C8B: variants seen among roughly 807,000 people sequenced by gnomAD.
C8B encodes the protein complement component C8 beta chain.
C8B carries 67 observed loss-of-function variants against 64.6 expected under a neutral mutation model. The ratio of observed to expected loss-of-function variants is 1.04; its 90% CI spans 0.85 to 1.27. The LOEUF is 1.27. Ranked by LOEUF, C8B falls within the 50% of genes most tolerant of loss-of-function variation. The probability of loss-of-function intolerance (pLI) is 0.00; values close to 1 mark genes in which losing one functional copy is unlikely to be tolerated. For missense variants in C8B, 790 were observed against 725.2 expected (o/e 1.09, Z -1.03); for synonymous variants, 284 against 257.7 (o/e 1.10, Z -0.98).
At chr1:56,937,869 TA>T (rs1570376388) in intron 9 of C8B, among the ~76,000 whole-genome samples, 2 of 152,220 alleles carry the variant, frequency 1.3e-5, no homozygotes, top group East Asian at 3.8e-4. Context: ...ACCATTTCAC[TA>T]GGTCACAAGT....
intron 9 of C8B, among the ~76,000 whole-genome samples, chr1:56,938,303 A>T (rs1644802256): frequency 6.6e-6 from 1 of 152,180 alleles, no homozygotes; most frequent in Non-Finnish European, 1.5e-5. Flanking sequence ...ATTTTCTGCA[A>T]TGTCAATTCT....
In C8B at chr1:56,931,830, C is replaced by A; in HGVS notation, c.1601G>T (p.Cys534Phe). The A allele has an allele frequency of 6.2e-7, 1 of 1,611,836 alleles. No homozygotes were observed. The highest frequency in any genetic ancestry group is 8.5e-7 in the Non-Finnish European group (1 of 1,178,670). Residue 534 changes from cysteine (C) to phenylalanine (F), a missense_variant, in exon 11 of 12, where the codon TGT becomes TTT. Coordinates refer to ENST00000371237, the MANE Select transcript of C8B (RefSeq NM_000066.4). ...CTTACTCTTCCGATAGGAGACCTCA[C>A]AGGCTAGGCCTTGGGATCCAACAGG... ...ICPVGSQGLA[C>F]EVSYRKNTPI... is the part of the protein sequence containing the mutation.
At chr1:56,958,262 A>G (rs898869650) in intron 2 of C8B, among the ~76,000 whole-genome samples, 2 of 152,192 alleles carry the variant, frequency 1.3e-5, no homozygotes, top group Admixed American at 6.5e-5. Flanking sequence ...TGCAGTCAAG[A>G]TTTTAGTAAA....
rs924523629 is a variant in C8B, at chr1:56,933,449, C to T, written c.1438G>A (p.Ala480Thr). The T allele has an allele frequency of 2.5e-6, 4 of 1,613,892 alleles. No homozygotes were observed. The highest frequency in any genetic ancestry group is 4.5e-5 in the East Asian group (2 of 44,858). The change falls in exon 10 of 12, where the codon GCC becomes ACC. Residue 480 changes from alanine (A) to threonine (T), a missense_variant. By Grantham distance (58) the Ala-to-Thr change is moderately conservative (BLOSUM62 0). Transcript: ENST00000371237. ...LYELVTATDFAYSSTVRQNMK... is the reference protein window; with the variant it reads ...LYELVTATDFTYSSTVRQNMK... Reference sequence around the variant, plus strand: ...TTCTGCCTCACTGTGCTGGAATAGGCAAAATCTGTGGCTGTCACTAGTTCA... The same window carrying T: ...TTCTGCCTCACTGTGCTGGAATAGGTAAAATCTGTGGCTGTCACTAGTTCA...
rs1491187546 is a variant in C8B at position 56,940,014 on chromosome 1, ACG to A, written c.1398+833_1398+834del. ...TGATGTCTTGTCCTGTAAGATAGTT[ACG>A]TGTGTGTGTGTGTGTGTATCTTACT... On this transcript the variant is annotated intron_variant, in intron 9 of 11. Transcript: ENST00000371237. Among the ~76,000 whole-genome samples the A allele has an allele frequency of 2.7e-4, 12 of 44,376 alleles. No individual in the cohort carries two copies. The South Asian group carries it at 0.023, about 85-fold the overall frequency. 29.1% of individuals were successfully genotyped at this position (44,376 alleles called of 152,430 possible).
rs187897738 is a variant in C8B, at chr1:56,956,111, T to C, written c.391+658A>G. On this transcript the variant is annotated intron_variant, in intron 3 of 11. Coordinates refer to ENST00000371237, the MANE Select transcript of C8B (RefSeq NM_000066.4). ...GGTATATCATGGATTAAGGATCATC[T>C]TGGACTTAGTGATGCAGAAATGTAA... 2.3e-3 allele frequency among the ~76,000 whole-genome samples: 344 copies of C among 152,276 alleles called. 3 individuals carry two copies. The highest frequency in any genetic ancestry group is 8.1e-3 in the African/African-American group (335 of 41,556).
chr1:56,946,121 A>G, intron 6 of C8B, 60 bp from the exon 7 acceptor site: 1 of 1,599,124 alleles, frequency 6.3e-7, no homozygotes. Context: ...TGGAACGAGA[A>G]GATGAACTTT....
At chr1:56,933,144 C>T (rs1644726526) in intron 10 of C8B, among the ~76,000 whole-genome samples, 191 bp downstream of exon 10, 1 of 152,174 alleles carries the variant, frequency 6.6e-6, no homozygotes, top group Non-Finnish European at 1.5e-5. Flanking sequence ...CTGCTACTGT[C>T]TTCAGCTTAA....
intron 5 of C8B, among the ~76,000 whole-genome samples, chr1:56,951,097 A>C (rs1645014478): frequency 6.6e-6 from 1 of 152,170 alleles, no homozygotes; most frequent in Admixed American, 6.5e-5. Flanking sequence ...ATACATTTTA[A>C]AGACAGGATC....
At chr1:56,949,407 C>A (rs1158152291) in intron 6 of C8B, 148 bp downstream of exon 6, 2 of 739,474 alleles carry the variant, frequency 2.7e-6, no homozygotes, top group South Asian at 1.6e-5. Flanking sequence ...ATATGTGGCA[C>A]CTTGATCTTG....
intron 6 of C8B, 94 bp downstream of exon 6, chr1:56,949,461 C>A: frequency 8.4e-7 from 1 of 1,194,552 alleles, no homozygotes; most frequent in South Asian, 1.3e-5. Context: ...AATGTCTTTT[C>A]TTTATAAATC....
intron 7 of C8B, 72 bp downstream of exon 7, chr1:56,945,749 A>G (rs1199639377): frequency 2.5e-6 from 4 of 1,594,834 alleles, no homozygotes; most frequent in Non-Finnish European, 3.4e-6. Context: ...GAAGGTAGAA[A>G]GAAAACTACA....
chr1:56,959,946 G>A (rs1422011581), intron 2 of C8B, 74 bp downstream of exon 2: 3 of 1,542,198 alleles, frequency 1.9e-6, no homozygotes, highest in African/African-American at 1.4e-5. Context: ...GGCACTGTTA[G>A]CAATGGCTCA....
chr1:56,959,627 A>T lies in C8B; in HGVS notation c.249+393T>A, dbSNP rs780543550. 6.0e-5 allele frequency: 92 copies of T among 1,535,198 alleles called. 2 individuals are homozygous for T. The South Asian group carries it at 9.8e-4, about 16-fold the overall frequency. On this transcript the variant is annotated intron_variant, in intron 2 of 11. Coordinates refer to ENST00000371237, the MANE Select transcript of C8B (RefSeq NM_000066.4). ...ATGTAGGCTAGATTCGGTCACAGGG[A>T]TCCTCGAAAACCATGATCCTGGACT...
chr1:56,952,141 A>G lies in C8B; in HGVS notation c.573T>C (p.Leu191=), dbSNP rs745980920. The change falls in exon 5 of 12, where the codon CTT becomes CTC. Residue 191 remains leucine, a synonymous_variant. Transcript: ENST00000371237. ...ATCCACCTGCATAATACCTGTGATC[A>G]AGAACTGGGCCCTCAAAACTGTTTG... ...LFTNSFEGPV[L]DHRYYAGGCS... is the part of the protein sequence containing the mutation. 6.2e-7 allele frequency: 1 copy of G among 1,614,212 alleles called. No individual in the cohort carries two copies. The highest frequency in any genetic ancestry group is 8.5e-7 in the Non-Finnish European group (1 of 1,180,016).
chr1:56,949,197 C>T (rs1486560660), intron 6 of C8B, among the ~76,000 whole-genome samples: 2 of 152,036 alleles, frequency 1.3e-5, no homozygotes, highest in African/African-American at 4.8e-5. Flanking sequence ...AAGGAGGCAC[C>T]TTTATGAGGT....
chr1:56,959,680 G>A, intron 2 of C8B: 1 of 1,456,914 alleles, frequency 6.9e-7, no homozygotes, highest in Non-Finnish European at 9.2e-7. Flanking sequence ...GGTAGACTGT[G>A]AATGGTTTCC....
Position 56,960,200 on chromosome 1 carries a change from G to C in C8B, c.93-24C>G, listed in dbSNP as rs1645158105. The C allele has an allele frequency of 3.7e-6, 6 of 1,610,424 alleles. No homozygotes were observed. In the East Asian group the frequency reaches 1.1e-4, roughly 30 times the overall value. Reference sequence around the variant, plus strand: ...CTCTAAAAGTCATTATGAGAGAAGAGAGTCACGTATCAGAAGGGAATTAAG... The same window carrying C: ...CTCTAAAAGTCATTATGAGAGAAGACAGTCACGTATCAGAAGGGAATTAAG... On this transcript the variant is annotated intron_variant, in intron 1 of 11. Coordinates refer to ENST00000371237, the MANE Select transcript of C8B (RefSeq NM_000066.4).
intron 6 of C8B, among the ~76,000 whole-genome samples, chr1:56,946,967 T>A (rs1240518875): frequency 1.3e-5 from 2 of 152,200 alleles, no homozygotes; most frequent in Non-Finnish European, 2.9e-5. Flanking sequence ...TAGGCCTGCC[T>A]CAGTGACCTA....
Sources: gnomAD v4.1 joint callset for allele counts (sites outside exome capture counted in the v4.1 genomes callset) on GRCh38, gnomAD v4.1.1 for gene constraint, MANE v1.5 for transcripts, NCBI Gene and HGNC (gene_info 2026-07-23, HGNC 2026-07-21) for gene names.